Variants in AFG2A observed in about 807,000 individuals in gnomAD.
The protein encoded by AFG2A is ATPase family gene 2 protein homolog A.
the AFG2A span, chr4:122,979,318 G>A: frequency 6.2e-7 from 1 of 1,614,184 alleles, no homozygotes. Flanking sequence ...TACTCTGAAG[G>A]ATTTCTTGCA....
the AFG2A span, among the ~76,000 whole-genome samples, chr4:122,985,012 G>T: frequency 6.6e-6 from 1 of 152,072 alleles, no homozygotes; most frequent in African/African-American, 2.4e-5. Flanking sequence ...GTCTTGTGGA[G>T]TAGTGTCAAA....
At chr4:123,093,007 T>G in the AFG2A span, among the ~76,000 whole-genome samples, 1 of 152,132 alleles carries the variant, frequency 6.6e-6, no homozygotes, top group Admixed American at 6.5e-5. Flanking sequence ...GTCAGTTGAT[T>G]AAGGATCCTG....
chr4:122,997,655 C>T, the AFG2A span, among the ~76,000 whole-genome samples: 28 of 152,098 alleles, frequency 1.8e-4, no homozygotes, highest in Non-Finnish European at 2.5e-4. Flanking sequence ...AGGTACATAT[C>T]TGGAAGTGGA....
the AFG2A span, among the ~76,000 whole-genome samples, chr4:123,086,699 T>A: frequency 6.6e-6 from 1 of 152,116 alleles, no homozygotes; most frequent in African/African-American, 2.4e-5. Context: ...TTTATTATTT[T>A]TTTTTTAAAT....
At chr4:123,134,595 A>ATTTTTTTTTT in the AFG2A span, among the ~76,000 whole-genome samples, 1 of 132,694 alleles carries the variant, frequency 7.5e-6, no homozygotes, top group Non-Finnish European at 1.6e-5. Flanking sequence ...GAATTTTAGG[A>ATTTTTTTTTT]TTTTTTTTTT....
At chr4:122,947,322 T>G in the AFG2A span, 1 of 1,613,852 alleles carries the variant, frequency 6.2e-7, no homozygotes, top group Admixed American at 1.7e-5. Context: ...GGCGATTTGA[T>G]AAAGAGATTG....
chr4:123,169,146 G>A, the AFG2A span, among the ~76,000 whole-genome samples: 1 of 152,168 alleles, frequency 6.6e-6, no homozygotes, highest in Non-Finnish European at 1.5e-5. Context: ...GTAAGTGAGG[G>A]CTCAAGTGAA....
At chr4:123,148,051 C>G in the AFG2A span, among the ~76,000 whole-genome samples, 1 of 152,172 alleles carries the variant, frequency 6.6e-6, no homozygotes, top group African/African-American at 2.4e-5. Context: ...TAAAATTTCT[C>G]AAAGATATCT....
chr4:122,997,690 G>C, the AFG2A span, among the ~76,000 whole-genome samples: 9 of 152,152 alleles, frequency 5.9e-5, no homozygotes, highest in East Asian at 1.7e-3. Context: ...TGGTAACTTT[G>C]TGTTTTAACC....
At chr4:123,279,409 CA>C in the AFG2A span, among the ~76,000 whole-genome samples, 1 of 64,098 alleles carries the variant, frequency 1.6e-5, no homozygotes, top group African/African-American at 4.1e-5. Flanking sequence ...GACTCCATCT[CA>C]AAAAACAAAA....
the AFG2A span, among the ~76,000 whole-genome samples, chr4:123,234,847 C>T: frequency 6.6e-6 from 1 of 152,032 alleles, no homozygotes; most frequent in Non-Finnish European, 1.5e-5. Flanking sequence ...AGCTATGTAA[C>T]TTTAGGCAAA....
chr4:123,192,041 TC>T, the AFG2A span, among the ~76,000 whole-genome samples: 1 of 151,896 alleles, frequency 6.6e-6, no homozygotes, highest in Non-Finnish European at 1.5e-5. Context: ...TTTTTTTTTT[TC>T]TTGAGTCAGA....
At chr4:122,988,794 G>A in the AFG2A span, among the ~76,000 whole-genome samples, 1 of 152,084 alleles carries the variant, frequency 6.6e-6, no homozygotes, top group Non-Finnish European at 1.5e-5. Context: ...CTAAGTCCCT[G>A]TTAGGCTTTT....
chr4:123,083,938 G>A, the AFG2A span, among the ~76,000 whole-genome samples: 1 of 152,012 alleles, frequency 6.6e-6, no homozygotes. Flanking sequence ...AACGATCTGG[G>A]TTTTGTGCTT....
the AFG2A span, among the ~76,000 whole-genome samples, chr4:123,295,757 A>G: frequency 2.0e-5 from 3 of 152,230 alleles, no homozygotes; most frequent in African/African-American, 7.2e-5. Context: ...TACCAAAAAT[A>G]CAAAATTAGC....
At chr4:123,272,376 G>C in the AFG2A span, among the ~76,000 whole-genome samples, 117,019 of 152,036 alleles carry the variant, frequency 0.77, 45,892 homozygotes, top group Non-Finnish European at 0.85. Context: ...AACATATAAA[G>C]TTCCCCCTTC....
chr4:123,161,265 A>G, the AFG2A span, among the ~76,000 whole-genome samples: 2 of 152,184 alleles, frequency 1.3e-5, no homozygotes, highest in African/African-American at 2.4e-5. Flanking sequence ...GCTTAATAAG[A>G]TATTCTTTGG....
At chr4:123,082,525 T>C in the AFG2A span, among the ~76,000 whole-genome samples, 54 of 85,338 alleles carry the variant, frequency 6.3e-4, no homozygotes, top group Non-Finnish European at 1.3e-3. Context: ...TCTTTTTTCT[T>C]TTTTTTTTTT....
chr4:123,225,482 T>G, the AFG2A span, among the ~76,000 whole-genome samples: 3 of 152,166 alleles, frequency 2.0e-5, no homozygotes, highest in African/African-American at 7.2e-5. Flanking sequence ...TTTCCCCATT[T>G]CTTGTTTTTG....
Sources: allele counts gnomAD v4.1 joint callset (sites outside exome capture counted in the v4.1 genomes callset), GRCh38; gene constraint gnomAD v4.1.1; transcripts MANE v1.5; gene names NCBI Gene and HGNC (gene_info 2026-07-23, HGNC 2026-07-21).